The following WBP4 variants were observed in gnomAD, a reference collection of about 807,000 sequenced individuals.
WBP4 encodes the protein WW domain-binding protein 4.
In WBP4, 37 loss-of-function variants were observed where a neutral mutation model predicts 55.4. The observed-to-expected ratio is 0.67, with a 90% CI of 0.51 to 0.88. The LOEUF is 0.88. WBP4 is among the 40% of genes least tolerant of loss of function. The pLI is 0.00. For synonymous variants in WBP4, 142 were observed against 140.2 expected (o/e 1.01, Z -0.09); for missense variants, 398 against 420.8 (o/e 0.95, Z 0.47).
chr13:41,082,939 C>A lies in WBP4; in HGVS notation c.*25C>A. The A allele has an allele frequency of 4.4e-6, 7 of 1,608,870 alleles. No individual in the cohort carries two copies. Among genetic ancestry groups the A allele is most frequent in the Non-Finnish European group, 6.0e-6 (7 of 1,176,220 alleles). ...GTTGCAGGAGAGCTTTTTGTACATGCTTTTAGGACAGAATGGAGACTTATA... is the reference window on the plus strand; with the variant it reads ...GTTGCAGGAGAGCTTTTTGTACATGATTTTAGGACAGAATGGAGACTTATA... On this transcript the variant is annotated 3_prime_UTR_variant, in exon 10 of 10. Coordinates refer to ENST00000379487, the MANE Select transcript of WBP4 (RefSeq NM_007187.5).
intron 9 of WBP4, 84 bp downstream of exon 9, chr13:41,080,893 A>G (rs1268156802): frequency 1.4e-6 from 2 of 1,384,208 alleles, no homozygotes; most frequent in East Asian, 2.3e-5. Flanking sequence ...AAGTAATTTC[A>G]AGGATGCTGT....
intron 7 of WBP4, among the ~76,000 whole-genome samples, chr13:41,075,248 A>G (rs1338450619): frequency 6.6e-6 from 1 of 152,180 alleles, no homozygotes; most frequent in Non-Finnish European, 1.5e-5. Context: ...GAACCACTGG[A>G]TGGCAGTAGA....
intron 8 of WBP4, among the ~76,000 whole-genome samples, chr13:41,076,971 A>G (rs1373147721): frequency 6.6e-6 from 1 of 152,194 alleles, no homozygotes; most frequent in Non-Finnish European, 1.5e-5. Flanking sequence ...TTAGGATAGA[A>G]ATGATTAATT....
At chr13:41,069,518 C>T (rs1169828173) in intron 5 of WBP4, among the ~76,000 whole-genome samples, 2 of 151,932 alleles carry the variant, frequency 1.3e-5, no homozygotes, top group Non-Finnish European at 2.9e-5. Context: ...AAAAATTAGC[C>T]AGGCATGATG....
rs564254055 is a variant in WBP4, at chr13:41,073,896, A to G, written c.562+1039A>G. Among the ~76,000 whole-genome samples the G allele has an allele frequency of 8.5e-5, 13 of 152,194 alleles. No homozygotes were observed. In the South Asian group the frequency reaches 2.7e-3, roughly 32 times the overall value. On this transcript the variant is annotated intron_variant, in intron 7 of 9. Coordinates refer to ENST00000379487, the MANE Select transcript of WBP4 (RefSeq NM_007187.5). ...TTAACAATGTTTCAGTTGCATAAAT[A>G]CTTACGAAGCATGCATAAATACTAA...
rs1170845211 is a variant in WBP4, at chr13:41,080,507, A to G, written c.757-139A>G. ...AATCAAGCAGTAAAGTTCTATGTAT[A>G]TTTATTGTGTTATGTGCAGATTTGA... On this transcript the variant is annotated intron_variant, in intron 8 of 9. Coordinates refer to ENST00000379487, the MANE Select transcript of WBP4 (RefSeq NM_007187.5). 7 of 653,176 alleles carry G rather than the reference A, an allele frequency of 1.1e-5. No individual in the cohort carries two copies. In the East Asian group the frequency reaches 1.5e-4, roughly 14 times the overall value. The allele number at this position is 653,176 out of a possible 1,614,324, so 40.5% of individuals were successfully genotyped here.
chr13:41,069,435 G>A (rs978722008), intron 5 of WBP4, among the ~76,000 whole-genome samples: 1 of 152,064 alleles, frequency 6.6e-6, no homozygotes, highest in African/African-American at 2.4e-5. Context: ...GGCTGAGATG[G>A]GCAGATCACA....
intron 7 of WBP4, among the ~76,000 whole-genome samples, chr13:41,073,608 A>G (rs1878347890): frequency 6.6e-6 from 1 of 151,880 alleles, no homozygotes; most frequent in South Asian, 2.1e-4. Flanking sequence ...TGAGGTCAGG[A>G]GTTCGAGACC....
chr13:41,062,196 A>C, intron 1 of WBP4: 1 of 954,148 alleles, frequency 1.0e-6, no homozygotes, highest in Non-Finnish European at 1.2e-6. Context: ...AGTTTGTTTT[A>C]ACTGAGAGTC....
At position 41,082,957 on chromosome 13, in the gene WBP4, G is replaced by A; in HGVS notation, c.*43G>A. The A allele has an allele frequency of 1.3e-6, 2 of 1,579,562 alleles. No individual in the cohort carries two copies. The highest frequency in any genetic ancestry group is 2.2e-5 in the East Asian group (1 of 44,462). On this transcript the variant is annotated 3_prime_UTR_variant, in exon 10 of 10. Coordinates refer to ENST00000379487, the MANE Select transcript of WBP4 (RefSeq NM_007187.5). ...GTACATGCTTTTAGGACAGAATGGA[G>A]ACTTATACACCCAAAGTTTATCTGT...
chr13:41,066,766 G>A (rs765909273), intron 4 of WBP4, among the ~76,000 whole-genome samples: 3 of 138,186 alleles, frequency 2.2e-5, no homozygotes, highest in Admixed American at 1.6e-4. Flanking sequence ...TAAAGAGTGC[G>A]GCATTAAGCA....
chr13:41,062,199 TGA>T (rs1877706018), intron 1 of WBP4: 5 of 977,882 alleles, frequency 5.1e-6, no homozygotes, highest in Non-Finnish European at 6.0e-6. Flanking sequence ...TTGTTTTAAC[TGA>T]GAGTCTGGGA....
chr13:41,071,910 C>T (rs936738450), intron 6 of WBP4, among the ~76,000 whole-genome samples: 3 of 151,914 alleles, frequency 2.0e-5, no homozygotes, highest in African/African-American at 7.3e-5. Context: ...CAGGCGCAGT[C>T]GCAGTTGCCT....
At chr13:41,071,689 C>T in intron 6 of WBP4, 116 bp downstream of exon 6, 2 of 895,616 alleles carry the variant, frequency 2.2e-6, no homozygotes. Context: ...TCCCTCCACC[C>T]CCAAACTGTG....
At position 41,062,704 on chromosome 13, in the gene WBP4, A is replaced by C. The variant is rs183253465; in HGVS notation, c.63A>C (p.Ala21=). Residue 21 remains alanine, a synonymous_variant, in exon 2 of 10, where the codon GCA becomes GCC. Transcript: ENST00000379487. ...GTGATTACTGCAAGTGCTGGATAGC[A>C]GACAATAGGCCTGTATGATAATTCC... The part of the protein sequence containing the change: ...KFCDYCKCWI[A]DNRPSVEFHE... 81 of 1,613,536 alleles carry C rather than the reference A, an allele frequency of 5.0e-5. No individual in the cohort carries two copies. In the Admixed American group the frequency reaches 1.1e-3, roughly 21 times the overall value.
chr13:41,074,973 AAAAT>A (rs1048179776), intron 7 of WBP4, among the ~76,000 whole-genome samples: 3 of 152,098 alleles, frequency 2.0e-5, no homozygotes, highest in Non-Finnish European at 2.9e-5. Context: ...AAATAAAAAT[AAAAT>A]AAATAAATTC....
rs1878746550 is a variant in WBP4, at chr13:41,080,899, G to A, written c.920+90G>A. 1.0e-5 allele frequency: 14 copies of A among 1,376,042 alleles called. No individual in the cohort carries two copies. In the South Asian group the frequency reaches 1.8e-4, roughly 18 times the overall value. The allele number at this position is 1,376,042 out of a possible 1,614,324, so 85.2% of individuals were successfully genotyped here. A position where few individuals can be genotyped will look rare whatever the true frequency, so the allele number is the denominator to read the frequency against. On this transcript the variant is annotated intron_variant, in intron 9 of 9. Transcript: ENST00000379487. ...AATTGCAGTAAGTAATTTCAAGGAT[G>A]CTGTGCTTATTAAAAGTATAGCTTG...
intron 4 of WBP4, among the ~76,000 whole-genome samples, chr13:41,066,752 G>C (rs576290246): frequency 6.6e-6 from 1 of 151,570 alleles, no homozygotes; most frequent in East Asian, 1.9e-4. Context: ...ATTTTTCACT[G>C]TCGTAAAGAG....
At chr13:41,064,839 GTAGTTCCC>G (rs1172370394) in intron 2 of WBP4, among the ~76,000 whole-genome samples, 169 bp from the exon 3 acceptor site, 1 of 152,072 alleles carries the variant, frequency 6.6e-6, no homozygotes, top group Non-Finnish European at 1.5e-5. Flanking sequence ...AATAAACAAT[GTAGTTCCC>G]TAGCATCATT....
Sources: allele counts gnomAD v4.1 joint callset (sites outside exome capture counted in the v4.1 genomes callset), GRCh38; gene constraint gnomAD v4.1.1; transcripts MANE v1.5; gene names NCBI Gene and HGNC (gene_info 2026-07-23, HGNC 2026-07-21).